Variants in ZNF608 observed in about 807,000 individuals in gnomAD.
ZNF608 encodes renal carcinoma antigen NY-REN-36.
Under a neutral mutation model 109.0 loss-of-function variants are expected in ZNF608, and 12 were observed. That is an observed-to-expected ratio of 0.11 (90% CI 0.07 to 0.18). ZNF608 has a LOEUF of 0.18. Ranked by LOEUF, ZNF608 falls within the 10% of genes least tolerant of loss-of-function variation. ZNF608 has a pLI of 1.00. For missense variants in ZNF608, 1,707 were observed against 1,879.3 expected, an observed-to-expected ratio of 0.91 and a Z score of 1.70; for synonymous variants, 732 against 717.4, an observed-to-expected ratio of 1.02 and a Z score of -0.33.
chr5:124,651,167 A>G (rs1006368598), intron 3 of ZNF608, among the ~76,000 whole-genome samples: 18 of 152,360 alleles, frequency 1.2e-4, no homozygotes, highest in East Asian at 7.7e-4. Context: ...GCTGATTCCA[A>G]TGAAATTCCC....
In ZNF608 at chr5:124,648,874, G is replaced by T; in HGVS notation, c.1510C>A (p.Pro504Thr). The change falls in exon 5 of 10, where the codon CCT becomes ACT. Residue 504 changes from proline to threonine, a missense_variant. By Grantham distance (38) the Pro-to-Thr change is conservative. Around this residue, in one of 7 missense-constraint regions of ZNF608, gnomAD observed 166 missense variants for 204.2 expected, o/e 0.81. Transcript: ENST00000513986. The part of the protein sequence containing the change: ...PSSTNKRKNK[P>T]PMELDLNSSS... ...GAGTTCAGGTCCAGCTCCATTGGAG[G>T]CTTGTTTTTCCTTTTGTTGGTGGAG... is the stretch of plus-strand genomic sequence containing the variant. 1.2e-6 allele frequency: 2 copies of T among 1,613,970 alleles called. No individual in the cohort carries two copies. Among genetic ancestry groups the T allele is most frequent in the South Asian group, 1.1e-5 (1 of 91,064 alleles).
Position 124,648,114 on chromosome 5 carries a change from A to G in ZNF608, c.2270T>C (p.Phe757Ser). ...TATTGTCCCAGTGGTGGTCGTTGTA[A>G]AGGTTGCAGTGGGTATAGCGATTAG... ...PQLIAIPTAT[F>S]TTTTTGTIPG... The change falls in exon 5 of 10, where the codon TTT (phenylalanine) becomes TCT (serine). Residue 757 changes from phenylalanine to serine, a missense_variant. Phe to Ser is a radical substitution (Grantham distance 155). This residue lies in a region of ZNF608 where 1,073 missense variants were observed against 1,133.5 expected (regional missense o/e 0.95). Transcript: ENST00000513986. 3 of 1,613,920 alleles carry G rather than the reference A, an allele frequency of 1.9e-6. No homozygotes were observed. Among genetic ancestry groups the G allele is most frequent in the Non-Finnish European group, 2.5e-6 (3 of 1,179,972 alleles).
intron 3 of ZNF608, among the ~76,000 whole-genome samples, chr5:124,687,570 A>G (rs1424083830): frequency 6.6e-6 from 1 of 152,204 alleles, no homozygotes; most frequent in African/African-American, 2.4e-5. Context: ...TGCCTGCCTC[A>G]CAGCACTTTT....
chr5:124,699,258 C>T (rs1414157950), intron 3 of ZNF608, among the ~76,000 whole-genome samples: 1 of 152,180 alleles, frequency 6.6e-6, no homozygotes, highest in East Asian at 1.9e-4. Context: ...GGAAGGCAAA[C>T]TGCACAACCC....
intron 3 of ZNF608, among the ~76,000 whole-genome samples, chr5:124,667,019 G>A (rs979834969): frequency 6.6e-6 from 1 of 152,132 alleles, no homozygotes; most frequent in African/African-American, 2.4e-5. Flanking sequence ...CAGTACAGAT[G>A]CAGAAGGTAT....
At chr5:124,718,771 C>A (rs1017087402) in intron 2 of ZNF608, among the ~76,000 whole-genome samples, 1 of 152,086 alleles carries the variant, frequency 6.6e-6, no homozygotes, top group African/African-American at 2.4e-5. Flanking sequence ...AAATGTTTTT[C>A]ACTAGCATAT....
intron 3 of ZNF608, among the ~76,000 whole-genome samples, chr5:124,684,591 G>GC (rs1752329729): frequency 6.6e-6 from 1 of 152,142 alleles, no homozygotes; most frequent in South Asian, 2.1e-4. Context: ...AGGAGAGGAC[G>GC]CAACAGCAGG....
chr5:124,657,852 T>TA (rs530001836), intron 3 of ZNF608, among the ~76,000 whole-genome samples: 14 of 151,676 alleles, frequency 9.2e-5, no homozygotes, highest in South Asian at 6.3e-4. Flanking sequence ...AAGAGCATCA[T>TA]AAAAAAAAAT....
Position 124,648,333 on chromosome 5 carries a change from T to C in ZNF608, c.2051A>G (p.Asp684Gly). 4.3e-6 allele frequency: 7 copies of C among 1,614,218 alleles called. No homozygotes were observed. The highest frequency in any genetic ancestry group is 5.9e-6 in the Non-Finnish European group (7 of 1,180,036). Residue 684 changes from aspartate to glycine, a missense_variant, in exon 5 of 10, where the codon GAC becomes GGC. Physicochemically the swap from Asp to Gly is moderately conservative, Grantham distance 94. Coordinates refer to ENST00000513986, the MANE Select transcript of ZNF608 (RefSeq NM_020747.3). ...ACTGCCGTCTGCTGCCGAGCAACTG[T>C]CTAACGCAGCCGTCATGTTGGAGAT... ...PVISNMTAAL[D>G]SCSAADGSLA...
intron 3 of ZNF608, among the ~76,000 whole-genome samples, chr5:124,659,602 T>C (rs1288063602): frequency 2.0e-5 from 3 of 152,256 alleles, no homozygotes; most frequent in Admixed American, 1.3e-4. Flanking sequence ...ATTGTCTTCC[T>C]AACTCCTCTC....
intron 3 of ZNF608, among the ~76,000 whole-genome samples, chr5:124,668,833 G>A (rs1209368107): frequency 2.6e-5 from 4 of 152,166 alleles, no homozygotes; most frequent in Non-Finnish European, 5.9e-5. Context: ...CTTGAGGTCT[G>A]GGTAAAGAAG....
At position 124,745,034 on chromosome 5, in the gene ZNF608, T is replaced by C. The variant is rs769234860; in HGVS notation, c.-45A>G. On this transcript the variant is annotated 5_prime_UTR_variant, in exon 2 of 10. Coordinates refer to ENST00000513986, the MANE Select transcript of ZNF608 (RefSeq NM_020747.3). The stretch of plus-strand genomic sequence containing the variant: ...GAATAAAAATCCGATGAACTTTTCT[T>C]TGGAGATGAGGGGACATTCGTTTAT... The C allele has an allele frequency of 6.5e-7, 1 of 1,546,720 alleles. No homozygotes were observed. The highest frequency in any genetic ancestry group is 1.3e-5 in the South Asian group (1 of 78,418).
At chr5:124,680,543 A>G (rs761126621) in intron 3 of ZNF608, among the ~76,000 whole-genome samples, 4 of 152,196 alleles carry the variant, frequency 2.6e-5, no homozygotes, top group Non-Finnish European at 5.9e-5. Context: ...GAAATAATTG[A>G]TCCAGGTCTG....
At chr5:124,709,759 C>A (rs1753416177) in intron 2 of ZNF608, among the ~76,000 whole-genome samples, 1 of 152,188 alleles carries the variant, frequency 6.6e-6, no homozygotes, top group Admixed American at 6.5e-5. Context: ...CATAAGAGTT[C>A]TCTGATTTCC....
chr5:124,732,544 CAAAAAAA>C (rs779598186), intron 2 of ZNF608, among the ~76,000 whole-genome samples: 1 of 101,848 alleles, frequency 9.8e-6, no homozygotes, highest in Non-Finnish European at 2.1e-5. Context: ...TTTGTTTGTT[CAAAAAAA>C]AAAAAAAAAG....
At chr5:124,649,384 G>C (rs939381659) in intron 4 of ZNF608, among the ~76,000 whole-genome samples, 2 of 152,112 alleles carry the variant, frequency 1.3e-5, no homozygotes, top group Non-Finnish European at 2.9e-5. Context: ...TTCCCACTTT[G>C]AGAAAAAATG....
At chr5:124,722,146 A>C (rs1169289582) in intron 2 of ZNF608, among the ~76,000 whole-genome samples, 1 of 151,856 alleles carries the variant, frequency 6.6e-6, no homozygotes, top group East Asian at 1.9e-4. Context: ...CTACCTCCAC[A>C]CTGAGAGCAC....
In ZNF608 at chr5:124,739,727, C is replaced by T. The variant is rs1380310402; in HGVS notation, c.906+4357G>A. ...AAGTTTCTATGAAGTACCAGGTGAA[C>T]TTTTTTAAATTAAAAAAGAATACAC... On this transcript the variant is annotated intron_variant, in intron 2 of 9. Coordinates refer to ENST00000513986, the MANE Select transcript of ZNF608 (RefSeq NM_020747.3). Among the ~76,000 whole-genome samples the T allele has an allele frequency of 2.6e-5, 4 of 152,172 alleles. No homozygotes were observed. The East Asian group carries it at 7.7e-4, about 29-fold the overall frequency.
chr5:124,660,661 T>C (rs1157816620), intron 3 of ZNF608, among the ~76,000 whole-genome samples: 3 of 152,156 alleles, frequency 2.0e-5, no homozygotes, highest in Non-Finnish European at 4.4e-5. Flanking sequence ...AACCTAAACC[T>C]ACCTGAGCCT....
Sources: allele counts gnomAD v4.1 joint callset (sites outside exome capture counted in the v4.1 genomes callset), GRCh38; gene constraint gnomAD v4.1.1; regional missense constraint gnomAD v4.1.1; transcripts MANE v1.5; gene names NCBI Gene and HGNC (gene_info 2026-07-23, HGNC 2026-07-21).